DNAH17: variants seen among roughly 807,000 people sequenced by gnomAD.
The protein encoded by DNAH17 is dynein axonemal heavy chain 17.
DNAH17 carries 376 observed loss-of-function variants against 485.6 expected under a neutral mutation model. That is an observed-to-expected ratio of 0.77 (90% CI 0.71 to 0.84). The LOEUF (loss-of-function observed/expected upper bound fraction) is 0.84, where lower values mean the gene tolerates loss of function less well. Among genes scored for constraint, DNAH17 ranks in the 40% least tolerant of loss-of-function variants. The pLI is 0.00. For missense variants in DNAH17, 6,370 were observed against 5,839.3 expected (o/e 1.09, Z -2.96); for synonymous variants, 3,031 against 2,405.9 (o/e 1.26, Z -7.60).
chr17:78,513,723 A>AC (rs2090699937), intron 26 of DNAH17, among the ~76,000 whole-genome samples: 1 of 152,350 alleles, frequency 6.6e-6, no homozygotes, highest in East Asian at 1.9e-4. Flanking sequence ...GGCATGAGCC[A>AC]CCGCACCCGG....
At chr17:78,426,640 G>C (rs778519271) in intron 78 of DNAH17, 40 bp from the exon 79 acceptor site, 2 of 1,558,908 alleles carry the variant, frequency 1.3e-6, no homozygotes, top group African/African-American at 1.4e-5. Context: ...CCCTGAGCTG[G>C]GGCCTGGGAG....
chr17:78,483,093 G>A lies in DNAH17; in HGVS notation c.7649+1775C>T, dbSNP rs546459316. Among the ~76,000 whole-genome samples the A allele has an allele frequency of 4.6e-5, 7 of 152,032 alleles. No homozygotes were observed. In the South Asian group the frequency reaches 1.3e-3, roughly 27 times the overall value. ...ATGCATGCACCTGTCCTCCTCTCCTGTCTGGGTACCCTCAAATCTCCCACC... is the reference window on the plus strand; with the variant it reads ...ATGCATGCACCTGTCCTCCTCTCCTATCTGGGTACCCTCAAATCTCCCACC... On this transcript the variant is annotated intron_variant, in intron 48 of 80. Coordinates refer to ENST00000389840, the MANE Select transcript of DNAH17 (RefSeq NM_173628.4).
In DNAH17 at chr17:78,529,627, C is replaced by A; in HGVS notation, c.3352G>T (p.Asp1118Tyr). 6.2e-7 allele frequency: 1 copy of A among 1,613,982 alleles called. No individual in the cohort carries two copies. The highest frequency in any genetic ancestry group is 8.5e-7 in the Non-Finnish European group (1 of 1,179,878). Residue 1118 changes from aspartate to tyrosine, a missense_variant, in exon 22 of 81, where the codon GAC becomes TAC. Transcript: ENST00000389840. ...MGLTKPLKEG[D>Y]YDGLVEVMGH... ...ATCACCTCCACAAGCCCATCATAGT[C>A]CCCCTCCTTGAGGGGCTTGGTCAAG...
chr17:78,497,599 C>A (rs528355228), intron 37 of DNAH17, among the ~76,000 whole-genome samples: 276 of 152,340 alleles, frequency 1.8e-3, no homozygotes, highest in African/African-American at 6.5e-3. Context: ...GGGAGAGGGT[C>A]CCCACGGTAA....
rs1223092913 is a variant in DNAH17, at chr17:78,478,241, T to C, written c.7992+784A>G. 6.9e-4 allele frequency among the ~76,000 whole-genome samples: 86 copies of C among 124,914 alleles called. 1 individual carries two copies. The highest frequency in any genetic ancestry group is 3.0e-3 in the Admixed American group (38 of 12,582). 81.9% of individuals were successfully genotyped at this position (124,914 alleles called of 152,430 possible). ...CATCACCACATCACCATCACCACCA[T>C]CATCACCACCATCACCATTATCATC... is the stretch of plus-strand genomic sequence containing the variant. On this transcript the variant is annotated intron_variant, in intron 51 of 80. Transcript: ENST00000389840.
rs191576334 is a variant in DNAH17, at chr17:78,555,518, C to T, written c.2178+2590G>A. On this transcript the variant is annotated intron_variant, in intron 14 of 80. Transcript: ENST00000389840. ...ATCTGGGGAGCCCTGCCACGGCTGC[C>T]GGGGAGAGGAGCAAGATTCCGTCAC... Among the ~76,000 whole-genome samples the T allele has an allele frequency of 5.1e-4, 57 of 111,158 alleles. No individual in the cohort carries two copies. The East Asian group carries it at 0.016, about 32-fold the overall frequency. The allele number at this position is 111,158 out of a possible 152,430, so 72.9% of individuals were successfully genotyped here. A position where few individuals can be genotyped will look rare whatever the true frequency, so the allele number is the denominator to read the frequency against.
intron 50 of DNAH17, among the ~76,000 whole-genome samples, 174 bp downstream of exon 50, chr17:78,479,311 T>A (rs998146072): frequency 9.9e-5 from 15 of 152,142 alleles, no homozygotes; most frequent in African/African-American, 3.6e-4. Flanking sequence ...AGCCCCTACC[T>A]CCCCATGAAG....
At chr17:78,504,212 T>C (rs1428999565) in intron 31 of DNAH17, among the ~76,000 whole-genome samples, 1 of 151,784 alleles carries the variant, frequency 6.6e-6, no homozygotes, top group African/African-American at 2.4e-5. Context: ...ACTACAGGTG[T>C]CTGCCACCAC....
At chr17:78,526,832 C>CCCA (rs2091091088) in intron 23 of DNAH17, 48 bp downstream of exon 23, 1 of 1,558,594 alleles carries the variant, frequency 6.4e-7, no homozygotes, top group Non-Finnish European at 8.7e-7. Context: ...CTGGGTGAGC[C>CCCA]CCACGCTGCT....
chr17:78,431,821 G>A (rs1299438509), intron 75 of DNAH17, among the ~76,000 whole-genome samples: 3 of 152,120 alleles, frequency 2.0e-5, no homozygotes, highest in Non-Finnish European at 4.4e-5. Context: ...CGGCTTCTCA[G>A]CAGCTTAGAA....
rs1262235208 is a variant in DNAH17, at chr17:78,572,713, T to C, written c.527A>G (p.Glu176Gly). The change falls in exon 3 of 81, where the codon GAG (glutamate) becomes GGG (glycine). Residue 176 changes from glutamate (E) to glycine (G), a missense_variant. Glu to Gly is a moderately conservative substitution (Grantham distance 98, BLOSUM62 -2). Coordinates refer to ENST00000389840, the MANE Select transcript of DNAH17 (RefSeq NM_173628.4). Reference sequence around the variant, plus strand: ...TGGGCCCACACACCTCTCCATGGACTCCAGCGTGCCATCCAGGCTGCCCAG... The same window carrying C: ...TGGGCCCACACACCTCTCCATGGACCCCAGCGTGCCATCCAGGCTGCCCAG... ...EHLGSLDGTL[E>G]SMERIPSSLD... 3 of 1,606,448 alleles carry C rather than the reference T, an allele frequency of 1.9e-6. No homozygotes were observed. In the South Asian group the frequency reaches 3.4e-5, roughly 18 times the overall value.
rs2088299264 is a variant in DNAH17, at chr17:78,464,253, A to C, written c.8941-1176T>G. ...AGCTCAAACAGTGAACATGGGCGCCATCTTTCACTGTTTTTTGTTTTTTTG... is the reference window on the plus strand; with the variant it reads ...AGCTCAAACAGTGAACATGGGCGCCCTCTTTCACTGTTTTTTGTTTTTTTG... On this transcript the variant is annotated intron_variant, in intron 56 of 80. Transcript: ENST00000389840. Among the ~76,000 whole-genome samples, 2 of 152,142 alleles carry C rather than the reference A, an allele frequency of 1.3e-5. 1 individual carries two copies. Among genetic ancestry groups the C allele is most frequent in the South Asian group, 4.1e-4 (2 of 4,828 alleles).
chr17:78,500,335 G>C lies in DNAH17; in HGVS notation c.5610C>G (p.Val1870=). The C allele has an allele frequency of 6.2e-7, 1 of 1,612,686 alleles. No homozygotes were observed. Residue 1870 remains valine, a synonymous_variant, in exon 36 of 81, where the codon GTC becomes GTG. Transcript: ENST00000389840. ...AGTCCATCTGCTCGGAGCAGTTGAA[G>C]ACGTAGACCATGGTGCCCAGGGCTC... ...LGRALGTMVY[V]FNCSEQMDYK...
rs776042763 is a variant in DNAH17 at position 78,494,074 on chromosome 17, C to G, written c.6370G>C (p.Val2124Leu). The stretch of plus-strand genomic sequence containing the variant: ...CTGCCCGCATTCCCGACGATGAACA[C>G]GGAGTGGCGGACCTGCAGCAGCTCC... ...LEELLQVRHS[V>L]FIVGNAGSGK... The change falls in exon 41 of 81, where the codon GTG becomes CTG. Residue 2124 changes from valine (V) to leucine (L), a missense_variant. By Grantham distance (32) the Val-to-Leu change is conservative. Transcript: ENST00000389840. The G allele has an allele frequency of 4.3e-6, 7 of 1,612,812 alleles. No homozygotes were observed. The highest frequency in any genetic ancestry group is 3.3e-4 in the Middle Eastern group (2 of 6,062).
At position 78,494,806 on chromosome 17, in the gene DNAH17, C is replaced by G. The variant is rs1433522200; in HGVS notation, c.6057G>C (p.Trp2019Cys). 1.2e-6 allele frequency: 2 copies of G among 1,608,020 alleles called. No homozygotes were observed. The highest frequency in any genetic ancestry group is 2.7e-5 in the African/African-American group (2 of 74,906). Reference sequence around the variant, plus strand: ...GCACAGACTTGATGGCTCTCAGGCCCCAGTCGTAATGATCCTGCGGGCAGT... The same window carrying G: ...GCACAGACTTGATGGCTCTCAGGCCGCAGTCGTAATGATCCTGCGGGCAGT... Reference protein sequence around the residue: ...ELLSKQDHYDWGLRAIKSVLV... With the variant: ...ELLSKQDHYDCGLRAIKSVLV... Residue 2019 changes from tryptophan (W) to cysteine (C), a missense_variant, in exon 40 of 81, where the codon TGG becomes TGC. Trp to Cys is a radical substitution (Grantham distance 215). Coordinates refer to ENST00000389840, the MANE Select transcript of DNAH17 (RefSeq NM_173628.4).
rs1415466034 is a variant in DNAH17 at position 78,570,231 on chromosome 17, G to A, written c.1044+16C>T. 1 of 1,570,150 alleles carries A rather than the reference G, an allele frequency of 6.4e-7. No homozygotes were observed. Among genetic ancestry groups the A allele is most frequent in the East Asian group, 2.3e-5 (1 of 43,016 alleles). On this transcript the variant is annotated intron_variant, in intron 7 of 80. Transcript: ENST00000389840. ...AGGAGGGGAGGAAGGGGACCCAGGG[G>A]CCAGGGGAGGGTTACCATCTCGATG...
At chr17:78,569,600 C>A in intron 7 of DNAH17, 73 bp from the exon 8 acceptor site, 1 of 1,506,446 alleles carries the variant, frequency 6.6e-7, no homozygotes, top group Non-Finnish European at 9.0e-7. Flanking sequence ...ACGCCGCCTG[C>A]AGGACCTGTG....
In DNAH17 at chr17:78,437,622, C is replaced by G. The variant is rs78542601; in HGVS notation, c.12033+19G>C. The G allele has an allele frequency of 1.3e-6, 2 of 1,581,400 alleles. No homozygotes were observed. The highest frequency in any genetic ancestry group is 2.7e-5 in the African/African-American group (2 of 74,406). On this transcript the variant is annotated intron_variant, in intron 74 of 80. Coordinates refer to ENST00000389840, the MANE Select transcript of DNAH17 (RefSeq NM_173628.4). ...CGTGGCATGGGATGGGGAGGCAGCC[C>G]GAGCAGGCGTGGCCCTACCTGGGTG...
intron 43 of DNAH17, among the ~76,000 whole-genome samples, chr17:78,491,057 G>A (rs2089830991): frequency 6.6e-6 from 1 of 152,194 alleles, no homozygotes; most frequent in Non-Finnish European, 1.5e-5. Context: ...CACACCGTGA[G>A]GGCTGCAGCA....
Sources: allele counts gnomAD v4.1 joint callset (sites outside exome capture counted in the v4.1 genomes callset), GRCh38; gene constraint gnomAD v4.1.1; transcripts MANE v1.5; gene names NCBI Gene and HGNC (gene_info 2026-07-23, HGNC 2026-07-21).